Variants in BRINP1 observed in about 807,000 individuals in gnomAD.
BRINP1 encodes the protein BMP/retinoic acid-inducible neural-specific protein 1.
BRINP1 carries 17 observed loss-of-function variants against 72.9 expected under a neutral mutation model. That is an observed-to-expected ratio of 0.23 (90% CI 0.16 to 0.35). The LOEUF is 0.35. Among genes scored for constraint, BRINP1 ranks in the 10% least tolerant of loss-of-function variants. BRINP1 has a pLI of 1.00. For synonymous variants in BRINP1, 418 were observed against 378.5 expected (o/e 1.10, Z -1.21); for missense variants, 850 against 1,001.6 (o/e 0.85, Z 2.04).
intron 5 of BRINP1, among the ~76,000 whole-genome samples, chr9:119,229,930 T>C (rs776023790): frequency 2.0e-5 from 3 of 152,030 alleles, no homozygotes; most frequent in Non-Finnish European, 4.4e-5. Context: ...GAGAGAGAGA[T>C]GGTTCTTATC....
At chr9:119,262,469 TAAAAATAA>T (rs1830505822) in intron 2 of BRINP1, among the ~76,000 whole-genome samples, 1 of 151,526 alleles carries the variant, frequency 6.6e-6, no homozygotes, top group African/African-American at 2.4e-5. Context: ...CTGTCTCTAC[TAAAAATAA>T]AAAAATAAAA....
At chr9:119,243,748 C>T (rs1830284075) in intron 3 of BRINP1, among the ~76,000 whole-genome samples, 1 of 152,096 alleles carries the variant, frequency 6.6e-6, no homozygotes, top group South Asian at 2.1e-4. Flanking sequence ...TTCAGTGTAG[C>T]TGCAAGAAAA....
rs192244783 is a variant in BRINP1 at position 119,170,233 on chromosome 9, A to T, written c.1146-2009T>A. Among the ~76,000 whole-genome samples, 111 of 152,074 alleles carry T rather than the reference A, an allele frequency of 7.3e-4. 1 individual carries two copies. Among genetic ancestry groups the T allele is most frequent in the Admixed American group, 7.2e-3 (110 of 15,300 alleles). On this transcript the variant is annotated intron_variant, in intron 7 of 7. Coordinates refer to ENST00000265922, the MANE Select transcript of BRINP1 (RefSeq NM_014618.3). Reference sequence around the variant, plus strand: ...AAGGCAAAGAAGTTGAAAACTTTAAAAAAAATTTAGAAGAATGCATAACTA... The same window carrying T: ...AAGGCAAAGAAGTTGAAAACTTTAATAAAAATTTAGAAGAATGCATAACTA...
intron 1 of BRINP1, among the ~76,000 whole-genome samples, chr9:119,358,380 TA>T: frequency 8.0e-6 from 1 of 124,796 alleles, no homozygotes; most frequent in Non-Finnish European, 1.6e-5. Context: ...AAAGAGTTTA[TA>T]TGTATTAAAA....
In BRINP1 at chr9:119,321,223, A is replaced by G. The variant is rs936187839; in HGVS notation, c.-50-7818T>C. ...TGGGATTACAGGCGTGAGCCACCGC[A>G]CCCGGCCATTGGTCCCCATTTTATA... On this transcript the variant is annotated intron_variant, in intron 1 of 7. Transcript: ENST00000265922. Among the ~76,000 whole-genome samples, 47 of 151,994 alleles carry G rather than the reference A, an allele frequency of 3.1e-4. No individual in the cohort carries two copies. In the South Asian group the frequency reaches 3.3e-3, roughly 11 times the overall value.
intron 1 of BRINP1, among the ~76,000 whole-genome samples, chr9:119,323,142 C>T (rs1304262395): frequency 3.9e-5 from 6 of 152,132 alleles, no homozygotes; most frequent in African/African-American, 1.4e-4. Context: ...CTAAACTTCT[C>T]ATGGGCAGAA....
intron 7 of BRINP1, among the ~76,000 whole-genome samples, chr9:119,202,327 C>A (rs2118863858): frequency 6.6e-6 from 1 of 152,218 alleles, no homozygotes; most frequent in African/African-American, 2.4e-5. Context: ...CTGAACTTAG[C>A]CCATTCCCAT....
At chr9:119,249,861 AGGG>A (rs1830362772) in intron 2 of BRINP1, among the ~76,000 whole-genome samples, 2 of 45,688 alleles carry the variant, frequency 4.4e-5, no homozygotes, top group African/African-American at 2.5e-4. Context: ...GAAGGGAGGG[AGGG>A]AGGGAGGGAG....
At chr9:119,359,352 C>T (rs1314262983) in intron 1 of BRINP1, among the ~76,000 whole-genome samples, 3 of 152,170 alleles carry the variant, frequency 2.0e-5, no homozygotes, top group Non-Finnish European at 4.4e-5. Flanking sequence ...TATGCCACCA[C>T]ATCTGGCTAA....
intron 1 of BRINP1, among the ~76,000 whole-genome samples, chr9:119,354,705 A>T (rs1831541799): frequency 6.6e-6 from 1 of 152,098 alleles, no homozygotes; most frequent in Non-Finnish European, 1.5e-5. Context: ...TAAAAAAAAA[A>T]AATAAAAATA....
At chr9:119,301,472 G>A (rs1292673963) in intron 2 of BRINP1, among the ~76,000 whole-genome samples, 2 of 152,194 alleles carry the variant, frequency 1.3e-5, no homozygotes, top group Non-Finnish European at 2.9e-5. Flanking sequence ...TCACAGAGAT[G>A]AAGAACAAAC....
chr9:119,244,521 T>G (rs955791490), intron 3 of BRINP1, among the ~76,000 whole-genome samples: 1 of 152,114 alleles, frequency 6.6e-6, no homozygotes, highest in African/African-American at 2.4e-5. Context: ...AACAGACAGC[T>G]GAGTGGAAAG....
intron 5 of BRINP1, among the ~76,000 whole-genome samples, chr9:119,223,016 T>C (rs1467133281): frequency 6.6e-6 from 1 of 151,980 alleles, no homozygotes; most frequent in Non-Finnish European, 1.5e-5. Context: ...CTCTTACCCA[T>C]CTCCCTTCTT....
chr9:119,271,772 CTTCT>C (rs1830608052), intron 2 of BRINP1, among the ~76,000 whole-genome samples: 1 of 151,982 alleles, frequency 6.6e-6, no homozygotes, highest in Admixed American at 6.6e-5. Context: ...TGATTTGCCA[CTTCT>C]TTGTCTTTTT....
chr9:119,234,641 A>G (rs1448916858), intron 5 of BRINP1, among the ~76,000 whole-genome samples: 3 of 152,086 alleles, frequency 2.0e-5, no homozygotes, highest in East Asian at 1.9e-4. Context: ...TATCCAATTT[A>G]TTAGCCTTTT....
chr9:119,214,521 T>C (rs894328664), intron 5 of BRINP1, among the ~76,000 whole-genome samples: 9 of 152,018 alleles, frequency 5.9e-5, no homozygotes, highest in African/African-American at 2.2e-4. Flanking sequence ...AGTGCTTTCC[T>C]TAAGTATTTA....
At chr9:119,332,448 C>T (rs560681647) in intron 1 of BRINP1, among the ~76,000 whole-genome samples, 1 of 152,258 alleles carries the variant, frequency 6.6e-6, no homozygotes, top group South Asian at 2.1e-4. Flanking sequence ...GGCACTCTGT[C>T]ATGTACTTTT....
intron 1 of BRINP1, among the ~76,000 whole-genome samples, chr9:119,355,698 C>T (rs1054895949): frequency 6.8e-6 from 1 of 147,186 alleles, no homozygotes; most frequent in African/African-American, 2.5e-5. Flanking sequence ...CACTGCACTC[C>T]AGCCTGGGCG....
chr9:119,352,637 A>C (rs1831517802), intron 1 of BRINP1, among the ~76,000 whole-genome samples: 1 of 152,052 alleles, frequency 6.6e-6, no homozygotes, highest in African/African-American at 2.4e-5. Flanking sequence ...CGAACTCCTG[A>C]CCTCAGGTGA....
Sources: allele counts gnomAD v4.1 joint callset (sites outside exome capture counted in the v4.1 genomes callset), GRCh38; gene constraint gnomAD v4.1.1; transcripts MANE v1.5; gene names NCBI Gene and HGNC (gene_info 2026-07-23, HGNC 2026-07-21).